The following CDK14 variants were observed in gnomAD, a reference collection of about 807,000 sequenced individuals.
CDK14 encodes cyclin-dependent kinase 14.
CDK14 carries 34 observed loss-of-function variants against 60.7 expected under a neutral mutation model. That is an observed-to-expected ratio of 0.56 (90% confidence interval 0.43 to 0.75). CDK14 has a LOEUF of 0.75. Among genes scored for constraint, CDK14 ranks in the 30% least tolerant of loss-of-function variants. The pLI is 0.00. For missense variants in CDK14, 482 were observed against 564.1 expected, an observed-to-expected ratio of 0.85 and a Z score of 1.47; for synonymous variants, 197 against 203.7, an observed-to-expected ratio of 0.97 and a Z score of 0.28.
chr7:90,610,085 G>A (rs1799507464), intron 2 of CDK14, among the ~76,000 whole-genome samples: 1 of 152,084 alleles, frequency 6.6e-6, no homozygotes, highest in Non-Finnish European at 1.5e-5. Context: ...TTCTTTGCCG[G>A]CTTCCAGTTT....
intron 11 of CDK14, among the ~76,000 whole-genome samples, chr7:91,056,332 G>T (rs1228816873): frequency 6.6e-6 from 1 of 151,078 alleles, no homozygotes; most frequent in Non-Finnish European, 1.5e-5. Context: ...TAGGTGCCTG[G>T]AAATATTGGA....
At chr7:91,100,257 C>G (rs978370825) in intron 12 of CDK14, among the ~76,000 whole-genome samples, 2 of 152,034 alleles carry the variant, frequency 1.3e-5, no homozygotes, top group African/African-American at 4.8e-5. Context: ...AGTTTAAGTG[C>G]ACATGGATTA....
intron 2 of CDK14, among the ~76,000 whole-genome samples, chr7:90,700,065 C>T (rs1418749409): frequency 6.6e-6 from 1 of 152,094 alleles, no homozygotes; most frequent in Non-Finnish European, 1.5e-5. Context: ...CTATATTTTT[C>T]TTAACATAGG....
intron 2 of CDK14, among the ~76,000 whole-genome samples, chr7:90,718,925 A>G (rs1802346212): frequency 6.6e-6 from 1 of 152,160 alleles, no homozygotes; most frequent in Non-Finnish European, 1.5e-5. Flanking sequence ...TTAATAGCTG[A>G]AATTACTTTT....
chr7:91,189,757 T>C (rs1018961989), intron 14 of CDK14, among the ~76,000 whole-genome samples: 6 of 152,234 alleles, frequency 3.9e-5, no homozygotes, highest in Admixed American at 3.3e-4. Flanking sequence ...GTGGTATTTT[T>C]CTCACTACCT....
At chr7:91,055,746 A>G (rs1312556804) in intron 11 of CDK14, among the ~76,000 whole-genome samples, 1 of 152,224 alleles carries the variant, frequency 6.6e-6, no homozygotes, top group Non-Finnish European at 1.5e-5. Context: ...ATTTGGTTAA[A>G]GTCATATTGA....
At chr7:91,085,165 T>C (rs1798601414) in intron 12 of CDK14, among the ~76,000 whole-genome samples, 2 of 152,212 alleles carry the variant, frequency 1.3e-5, no homozygotes, top group South Asian at 2.1e-4. Context: ...CTGGAAGAGC[T>C]GAGCTGATTT....
At chr7:90,786,482 A>C (rs117243500) in intron 4 of CDK14, among the ~76,000 whole-genome samples, 2 of 152,248 alleles carry the variant, frequency 1.3e-5, no homozygotes, top group Admixed American at 1.3e-4. Context: ...TTCATAAAAT[A>C]GGTTAAATCC....
chr7:91,008,983 C>A (rs536536135), intron 10 of CDK14, among the ~76,000 whole-genome samples: 1 of 152,116 alleles, frequency 6.6e-6, no homozygotes, highest in African/African-American at 2.4e-5. Context: ...CCCTCAATTT[C>A]TTTGAACCTC....
intron 4 of CDK14, among the ~76,000 whole-genome samples, chr7:90,777,191 T>C (rs1008474647): frequency 7.9e-5 from 12 of 152,172 alleles, no homozygotes; most frequent in African/African-American, 2.9e-4. Flanking sequence ...AGTTGGATGA[T>C]GTGCTGTTGC....
At chr7:90,965,082 T>A (rs1232332946) in intron 9 of CDK14, among the ~76,000 whole-genome samples, 1 of 152,216 alleles carries the variant, frequency 6.6e-6, no homozygotes, top group Non-Finnish European at 1.5e-5. Context: ...CTTGAAACTT[T>A]CCTCTCTCGG....
At chr7:91,005,750 A>T (rs1795964931) in intron 10 of CDK14, among the ~76,000 whole-genome samples, 1 of 152,358 alleles carries the variant, frequency 6.6e-6, no homozygotes, top group East Asian at 1.9e-4. Flanking sequence ...ACAGTTTCAC[A>T]TTCCAAGGTG....
chr7:90,894,530 T>C (rs1375323652), intron 6 of CDK14, among the ~76,000 whole-genome samples: 1 of 152,264 alleles, frequency 6.6e-6, no homozygotes, highest in Non-Finnish European at 1.5e-5. Flanking sequence ...CCTGCAATTC[T>C]TGATGCTAAT....
intron 5 of CDK14, among the ~76,000 whole-genome samples, chr7:90,814,110 A>C (rs1248267479): frequency 6.6e-6 from 1 of 152,214 alleles, no homozygotes; most frequent in Non-Finnish European, 1.5e-5. Flanking sequence ...TCTGTAACTG[A>C]TACCTCCTAG....
At position 90,865,879 on chromosome 7, in the gene CDK14, G is replaced by A. The variant is rs147870773; in HGVS notation, c.639+2610G>A. On this transcript the variant is annotated intron_variant, in intron 6 of 14. Transcript: ENST00000380050. Reference sequence around the variant, plus strand: ...ATGAAGCAGTTATTTCCAAGGTCTTGTAGTTTGTAAGATAGACCCAGGCCC... The same window carrying A: ...ATGAAGCAGTTATTTCCAAGGTCTTATAGTTTGTAAGATAGACCCAGGCCC... Among the ~76,000 whole-genome samples, 490 of 152,254 alleles carry A rather than the reference G, an allele frequency of 3.2e-3. 4 individuals are homozygous for A. The highest frequency in any genetic ancestry group is 0.018 in the South Asian group (88 of 4,828).
intron 14 of CDK14, among the ~76,000 whole-genome samples, chr7:91,174,522 A>C: frequency 6.6e-6 from 1 of 151,662 alleles, no homozygotes; most frequent in Non-Finnish European, 1.5e-5. Flanking sequence ...CTACAGGAGG[A>C]CATTCAAACC....
At chr7:90,874,335 C>T (rs1221532948) in intron 6 of CDK14, among the ~76,000 whole-genome samples, 1 of 151,906 alleles carries the variant, frequency 6.6e-6, no homozygotes, top group East Asian at 1.9e-4. Context: ...TAATTCCATT[C>T]GAATTTCAGT....
At chr7:90,998,277 T>C (rs1795741730) in intron 10 of CDK14, among the ~76,000 whole-genome samples, 1 of 152,240 alleles carries the variant, frequency 6.6e-6, no homozygotes, top group African/African-American at 2.4e-5. Context: ...GAAATCTCAG[T>C]ACCTTCCACT....
chr7:90,856,806 T>C lies in CDK14; in HGVS notation c.545-6369T>C, dbSNP rs548277737. Reference sequence around the variant, plus strand: ...CAACAGCCTTAAAGCTGTCAAGCTGTGGGCTTGAAAAAAAAGTTGATGTTT... The same window carrying C: ...CAACAGCCTTAAAGCTGTCAAGCTGCGGGCTTGAAAAAAAAGTTGATGTTT... On this transcript the variant is annotated intron_variant, in intron 5 of 14. Transcript: ENST00000380050. 2.0e-5 allele frequency among the ~76,000 whole-genome samples: 3 copies of C among 152,300 alleles called. No individual in the cohort carries two copies. The South Asian group carries it at 6.2e-4, about 32-fold the overall frequency.
Sources: gnomAD v4.1 joint callset for allele counts (sites outside exome capture counted in the v4.1 genomes callset) on GRCh38, gnomAD v4.1.1 for gene constraint, MANE v1.5 for transcripts, NCBI Gene and HGNC (gene_info 2026-07-23, HGNC 2026-07-21) for gene names.